The following BOK variants were observed in gnomAD, a reference collection of about 807,000 sequenced individuals.
BOK encodes the protein BCL2 family apoptosis regulator BOK.
In BOK, 20 loss-of-function variants were observed where a neutral mutation model predicts 18.3. The ratio of observed to expected loss-of-function variants is 1.09; its 90% CI spans 0.77 to 1.59. The LOEUF (loss-of-function observed/expected upper bound fraction) is 1.59. Among genes scored for constraint, BOK ranks in the 40% most tolerant of loss-of-function variants. The pLI is 0.00. For missense variants in BOK, 348 were observed against 307.9 expected (o/e 1.13, Z -0.97); for synonymous variants, 173 against 142.4 (o/e 1.21, Z -1.53).
rs573999941 is a variant in BOK at position 241,569,383 on chromosome 2, G to A, written c.350-742G>A. Among the ~76,000 whole-genome samples the A allele has an allele frequency of 9.6e-4, 146 of 152,226 alleles. 1 individual carries two copies. The highest frequency in any genetic ancestry group is 3.2e-3 in the African/African-American group (131 of 41,544). On this transcript the variant is annotated intron_variant, in intron 3 of 4. Transcript: ENST00000318407. ...CCCAACCTTGTGATCTGCCCGCCTC[G>A]GCCTCCCAAAGTGCTGGGATTCCAG...
At chr2:241,572,208 T>C (rs1559207275) in intron 4 of BOK, 89 bp from the exon 5 acceptor site, 4 of 1,549,266 alleles carry the variant, frequency 2.6e-6, no homozygotes, top group South Asian at 1.2e-5. Context: ...TTTGCTGATA[T>C]TCTGGTGCAC....
chr2:241,553,827 C>T (rs1041347471), upstream of BOK, among the ~76,000 whole-genome samples: 5 of 152,266 alleles, frequency 3.3e-5, no homozygotes, highest in South Asian at 2.1e-4. Flanking sequence ...CCAAGGGCAA[C>T]GGGGTAGAGT....
intron 2 of BOK, among the ~76,000 whole-genome samples, chr2:241,561,044 G>T (rs1198138004): frequency 6.6e-6 from 1 of 152,208 alleles, no homozygotes; most frequent in Non-Finnish European, 1.5e-5. Flanking sequence ...GGGAGCTGCC[G>T]GGTCAGTCCT....
intron 1 of BOK, among the ~76,000 whole-genome samples, chr2:241,552,230 C>T (rs1412495948): frequency 1.3e-5 from 2 of 152,192 alleles, no homozygotes; most frequent in Non-Finnish European, 2.9e-5. Context: ...TGCACAGGAA[C>T]TGGCCAATGA....
Position 241,570,256 on chromosome 2 carries a change from C to T in BOK, c.481C>T (p.Leu161=), listed in dbSNP as rs761439187. 1.3e-5 allele frequency: 21 copies of T among 1,579,202 alleles called. No homozygotes were observed. Among genetic ancestry groups the T allele is most frequent in the Non-Finnish European group, 1.8e-5 (21 of 1,164,194 alleles). ...DCLGEFVRKT[L]ATWLRRRGGW... ...CCTGGGGGAGTTCGTGCGCAAGACCCTGGCAACCTGGCTGCGGAGACGCGG... is the reference window on the plus strand; with the variant it reads ...CCTGGGGGAGTTCGTGCGCAAGACCTTGGCAACCTGGCTGCGGAGACGCGG... The change falls in exon 4 of 5, where the codon CTG becomes TTG. Residue 161 remains leucine, a synonymous_variant. Transcript: ENST00000318407.
intron 2 of BOK, chr2:241,559,945 A>G (rs955708599): frequency 1.6e-6 from 1 of 643,270 alleles, no homozygotes. Flanking sequence ...GGCCATAAAC[A>G]ATAGAAAGCT....
intron 3 of BOK, among the ~76,000 whole-genome samples, chr2:241,569,505 T>G (rs1402428616): frequency 2.0e-5 from 3 of 152,256 alleles, no homozygotes; most frequent in African/African-American, 2.4e-5. Flanking sequence ...GGTAAACATT[T>G]TTCGTGTCTC....
intron 3 of BOK, among the ~76,000 whole-genome samples, chr2:241,563,865 G>A (rs2066569164): frequency 6.6e-6 from 1 of 152,016 alleles, no homozygotes; most frequent in Non-Finnish European, 1.5e-5. Context: ...CCACCGGAGG[G>A]CAAGGGGAAG....
chr2:241,555,700 T>C (rs1164693198), upstream of BOK, among the ~76,000 whole-genome samples: 1 of 152,148 alleles, frequency 6.6e-6, no homozygotes, highest in Admixed American at 6.6e-5. Context: ...TTCAGTTCCT[T>C]ACTGCTAGCA....
upstream of BOK, among the ~76,000 whole-genome samples, chr2:241,556,972 G>A (rs73123521): frequency 0.016 from 2,492 of 152,260 alleles, 70 homozygotes; most frequent in African/African-American, 0.057. Flanking sequence ...TTGGTAAGTT[G>A]TGTATCATCT....
Position 241,558,965 on chromosome 2 carries a change from C to G in BOK, c.-58C>G, listed in dbSNP as rs1476361615. On this transcript the variant is annotated 5_prime_UTR_variant, in exon 1 of 5. Transcript: ENST00000318407. ...GCAGATCCTGAAGCCAGAACTCCAC[C>G]CCGGCGCCCGCGCCATGCGGCGGGA... 1.3e-5 allele frequency: 2 copies of G among 151,786 alleles called. No homozygotes were observed. The highest frequency in any genetic ancestry group is 2.1e-4 in the South Asian group (1 of 4,836). The allele number at this position is 151,786 out of a possible 1,614,324, so 9.4% of individuals were successfully genotyped here.
At chr2:241,571,297 C>T (rs543316609) in intron 4 of BOK, among the ~76,000 whole-genome samples, 9 of 147,768 alleles carry the variant, frequency 6.1e-5, no homozygotes, top group African/African-American at 2.2e-4. Context: ...ACTTCCTGCC[C>T]TGCTCCGGCC....
chr2:241,559,896 C>G (rs538861912), intron 2 of BOK, among the ~76,000 whole-genome samples, 193 bp downstream of exon 2: 2 of 152,366 alleles, frequency 1.3e-5, no homozygotes, highest in African/African-American at 2.4e-5. Flanking sequence ...CACAGGCCCC[C>G]CCATCAGCTG....
chr2:241,555,778 T>C (rs565495600), upstream of BOK, among the ~76,000 whole-genome samples: 3 of 152,256 alleles, frequency 2.0e-5, no homozygotes, highest in East Asian at 1.9e-4. Flanking sequence ...ATGCAGAACA[T>C]GTCTATCAAT....
chr2:241,563,199 G>A (rs1024108812), intron 3 of BOK, among the ~76,000 whole-genome samples: 18 of 152,288 alleles, frequency 1.2e-4, no homozygotes, highest in Non-Finnish European at 2.2e-4. Flanking sequence ...CTAGGCCCAC[G>A]GGAGGCTTAG....
rs2066761699 is a variant in BOK at position 241,573,862 on chromosome 2, CTT to C, written c.*1442_*1443del. 6.6e-6 allele frequency: 1 copy of C among 152,358 alleles called. No homozygotes were observed. Among genetic ancestry groups the C allele is most frequent in the African/African-American group, 2.4e-5 (1 of 41,466 alleles). The allele number at this position is 152,358 out of a possible 1,614,324, so 9.4% of individuals were successfully genotyped here. On this transcript the variant is annotated 3_prime_UTR_variant, in exon 5 of 5. Transcript: ENST00000318407. ...ACATTTCTAGGCACATGTGAGGCATCTTTCCTGGAGCCCCGAGCCAGCCCTGT... is the reference window on the plus strand; with the variant it reads ...ACATTTCTAGGCACATGTGAGGCATCTCCTGGAGCCCCGAGCCAGCCCTGT...
intron 3 of BOK, 40 bp from the exon 4 acceptor site, chr2:241,570,085 G>A (rs368861035): frequency 9.7e-5 from 154 of 1,590,814 alleles, no homozygotes; most frequent in African/African-American, 2.3e-4. Context: ...TCCCGTGGGC[G>A]GGATTCAAGT....
In BOK at chr2:241,559,719, T is replaced by C; in HGVS notation, c.220+16T>C. 2.3e-6 allele frequency: 3 copies of C among 1,294,854 alleles called. No homozygotes were observed. The highest frequency in any genetic ancestry group is 2.9e-6 in the Non-Finnish European group (3 of 1,024,158). The allele number at this position is 1,294,854 out of a possible 1,614,324, so 80.2% of individuals were successfully genotyped here. A position where few individuals can be genotyped will look rare whatever the true frequency, so the allele number is the denominator to read the frequency against. ...CTGCGCCTGGGTGAGTGCGCCCTGG[T>C]GGGATCCCCAGCTGCGCCTCCTCCC... On this transcript the variant is annotated intron_variant, in intron 2 of 4. Coordinates refer to ENST00000318407, the MANE Select transcript of BOK (RefSeq NM_032515.5).
rs1385079088 is a variant in BOK at position 241,559,571 on chromosome 2, C to T, written c.88C>T (p.Gln30Ter). Reference sequence around the variant, plus strand: ...GCCCACAGACAAGGAGCTGGTGGCCCAGGCCAAGGCGCTGGGCCGGGAGTA... The same window carrying T: ...GCCCACAGACAAGGAGCTGGTGGCCTAGGCCAAGGCGCTGGGCCGGGAGTA... ...RSPTDKELVA[Q>*]AKALGREYVH... The change falls in exon 2 of 5, where the codon CAG (glutamine) becomes TAG (stop). Residue 30 changes from glutamine (Q) to a stop codon, truncating the protein, a stop_gained. Transcript: ENST00000318407. LOFTEE classifies it high-confidence loss of function. 3 of 1,525,462 alleles carry T rather than the reference C, an allele frequency of 2.0e-6. No homozygotes were observed. The highest frequency in any genetic ancestry group is 2.6e-6 in the Non-Finnish European group (3 of 1,145,740). The allele number at this position is 1,525,462 out of a possible 1,614,324, so 94.5% of individuals were successfully genotyped here. A position where few individuals can be genotyped will look rare whatever the true frequency, so the allele number is the denominator to read the frequency against.
Sources: allele counts gnomAD v4.1 joint callset (sites outside exome capture counted in the v4.1 genomes callset), GRCh38; gene constraint gnomAD v4.1.1; transcripts MANE v1.5; gene names NCBI Gene and HGNC (gene_info 2026-07-23, HGNC 2026-07-21).